Variants in CMSS1 observed in about 807,000 individuals in gnomAD.
CMSS1 encodes protein CMSS1.
Under a neutral mutation model 43.5 loss-of-function variants are expected in CMSS1, and 33 were observed. The observed-to-expected ratio is 0.76, with a 90% CI of 0.57 to 1.01. CMSS1 has a LOEUF of 1.01. Among genes scored for constraint, CMSS1 ranks in the 50% least tolerant of loss-of-function variants. The pLI is 0.00. For synonymous variants in CMSS1, 115 were observed against 117.2 expected (o/e 0.98, Z 0.12); for missense variants, 313 against 326.4 (o/e 0.96, Z 0.32).
At position 100,098,462 on chromosome 3, in the gene CMSS1, G is replaced by A. The variant is rs1405697876; in HGVS notation, c.65-48511G>A. Reference sequence around the variant, plus strand: ...GATTCTTGAAATTAAATAAGTTAGTGTATTAAAGTATTCAGCATGGTACCA... The same window carrying A: ...GATTCTTGAAATTAAATAAGTTAGTATATTAAAGTATTCAGCATGGTACCA... On this transcript the variant is annotated intron_variant, in intron 1 of 9. Coordinates refer to ENST00000421999, the MANE Select transcript of CMSS1 (RefSeq NM_032359.4). Among the ~76,000 whole-genome samples the A allele has an allele frequency of 2.0e-5, 3 of 152,268 alleles. No homozygotes were observed. The South Asian group carries it at 6.2e-4, about 32-fold the overall frequency.
At chr3:99,958,423 G>A (rs1708400950) in intron 1 of CMSS1, among the ~76,000 whole-genome samples, 1 of 151,980 alleles carries the variant, frequency 6.6e-6, no homozygotes, top group Non-Finnish European at 1.5e-5. Flanking sequence ...TGGGCAGTGT[G>A]TGACTGAGCC....
intron 1 of CMSS1, among the ~76,000 whole-genome samples, chr3:100,025,753 T>G (rs2107244083): frequency 6.6e-6 from 1 of 152,292 alleles, no homozygotes; most frequent in African/African-American, 2.4e-5. Flanking sequence ...TAAATAATCA[T>G]CTAGAATAGG....
At chr3:99,897,812 T>A (rs1472680273) in intron 1 of CMSS1, among the ~76,000 whole-genome samples, 1 of 152,226 alleles carries the variant, frequency 6.6e-6, no homozygotes, top group Admixed American at 6.5e-5. Context: ...GTAAGAGAAC[T>A]CCACTACAGA....
Position 99,893,355 on chromosome 3 carries a change from C to T in CMSS1, c.64+75312C>T, listed in dbSNP as rs538175171. ...TAATTTTTTGTATTTTTAGTGGAGA[C>T]GGGGTTTCACTGTATTAGCCAGAAT... On this transcript the variant is annotated intron_variant, in intron 1 of 9. Transcript: ENST00000421999. Among the ~76,000 whole-genome samples, 47 of 151,930 alleles carry T rather than the reference C, an allele frequency of 3.1e-4. No individual in the cohort carries two copies. The South Asian group carries it at 4.6e-3, about 15-fold the overall frequency.
chr3:99,957,012 C>G (rs2107696353), intron 1 of CMSS1, among the ~76,000 whole-genome samples: 1 of 152,332 alleles, frequency 6.6e-6, no homozygotes, highest in African/African-American at 2.4e-5. Flanking sequence ...ATAATGCTGT[C>G]TTTTTCCCAG....
chr3:99,985,341 G>A (rs772386811), intron 1 of CMSS1, among the ~76,000 whole-genome samples: 2 of 151,994 alleles, frequency 1.3e-5, no homozygotes, highest in African/African-American at 2.4e-5. Context: ...AGACCAGCCC[G>A]AACAACATGG....
chr3:100,137,092 C>T (rs543333280), intron 1 of CMSS1, among the ~76,000 whole-genome samples: 1 of 152,348 alleles, frequency 6.6e-6, no homozygotes, highest in Non-Finnish European at 1.5e-5. Flanking sequence ...CTCAGTGATG[C>T]TGGTGGGAGT....
chr3:99,839,051 C>T (rs1432876072), intron 1 of CMSS1, among the ~76,000 whole-genome samples: 1 of 152,238 alleles, frequency 6.6e-6, no homozygotes, highest in East Asian at 1.9e-4. Context: ...GCCCCCACAC[C>T]TTTACCTTGT....
intron 1 of CMSS1, among the ~76,000 whole-genome samples, chr3:99,904,953 A>G (rs1361806184): frequency 1.3e-5 from 2 of 152,096 alleles, no homozygotes; most frequent in East Asian, 3.9e-4. Flanking sequence ...TTCAGTGTCT[A>G]CCATTCTGAA....
chr3:100,059,590 G>A (rs754114032), intron 1 of CMSS1, among the ~76,000 whole-genome samples: 5 of 152,104 alleles, frequency 3.3e-5, no homozygotes, highest in East Asian at 3.9e-4. Context: ...TTCAAACAGC[G>A]TTAGGAGCCA....
chr3:100,151,042 T>G (rs539777428), intron 2 of CMSS1, among the ~76,000 whole-genome samples: 24 of 152,318 alleles, frequency 1.6e-4, no homozygotes, highest in Non-Finnish European at 2.4e-4. Context: ...TGTTTCTCCC[T>G]TTCCCTTCTT....
chr3:100,020,184 A>G (rs576908851), intron 1 of CMSS1, among the ~76,000 whole-genome samples: 2 of 152,262 alleles, frequency 1.3e-5, no homozygotes, highest in South Asian at 4.1e-4. Context: ...AAAGCCTTGT[A>G]TCTTCATTTA....
rs1422991382 is a variant in CMSS1, at chr3:99,930,748, G to T, written c.64+112705G>T. 5 of 1,610,896 alleles carry T rather than the reference G, an allele frequency of 3.1e-6. No homozygotes were observed. In the East Asian group the frequency reaches 8.9e-5, roughly 29 times the overall value. ...AGCCTTCTGTTTGAAGCATGATGGG[G>T]ATAACTCCAACCCAGCTGACCTGCA... On this transcript the variant is annotated intron_variant, in intron 1 of 9. Transcript: ENST00000421999.
At chr3:100,044,597 C>A (rs2065251746) in intron 1 of CMSS1, among the ~76,000 whole-genome samples, 1 of 152,110 alleles carries the variant, frequency 6.6e-6, no homozygotes, top group South Asian at 2.1e-4. Flanking sequence ...TAGAAAGATA[C>A]AGAGGTAGTG....
intron 1 of CMSS1, among the ~76,000 whole-genome samples, chr3:100,137,886 C>T (rs1261090455): frequency 6.6e-6 from 1 of 152,016 alleles, no homozygotes; most frequent in African/African-American, 2.4e-5. Context: ...TTTTTTAAAA[C>T]ACAAGTTTAT....
rs374024354 is a variant in CMSS1, at chr3:99,938,092, T to C, written c.64+120049T>C. 3.6e-3 allele frequency among the ~76,000 whole-genome samples: 528 copies of C among 148,044 alleles called. 3 individuals carry two copies. Among genetic ancestry groups the C allele is most frequent in the Admixed American group, 5.0e-3 (75 of 14,972 alleles). On this transcript the variant is annotated intron_variant, in intron 1 of 9. Coordinates refer to ENST00000421999, the MANE Select transcript of CMSS1 (RefSeq NM_032359.4). ...GTGTGTGTGCGCGCGCGCGCGCGCG[T>C]GCATGCACACTCGTGCTGGGTGGGG...
At chr3:100,138,272 A>G (rs148241529) in intron 1 of CMSS1, among the ~76,000 whole-genome samples, 87 of 152,380 alleles carry the variant, frequency 5.7e-4, no homozygotes, top group African/African-American at 2.0e-3. Context: ...CATTCAGGAC[A>G]TAGGCATGGG....
At chr3:99,828,088 G>T (rs1942569855) in intron 1 of CMSS1, among the ~76,000 whole-genome samples, 1 of 152,130 alleles carries the variant, frequency 6.6e-6, no homozygotes, top group Admixed American at 6.6e-5. Flanking sequence ...TTTTCCCAAG[G>T]TATTTTGTTT....
At chr3:100,067,615 A>T (rs2065688887) in intron 1 of CMSS1, among the ~76,000 whole-genome samples, 1 of 152,258 alleles carries the variant, frequency 6.6e-6, no homozygotes, top group East Asian at 1.9e-4. Flanking sequence ...GGGGGAAAGA[A>T]GAACAACTAG....
Sources: gnomAD v4.1 joint callset for allele counts (sites outside exome capture counted in the v4.1 genomes callset) on GRCh38, gnomAD v4.1.1 for gene constraint, MANE v1.5 for transcripts, NCBI Gene and HGNC (gene_info 2026-07-23, HGNC 2026-07-21) for gene names.